The following BCAR1 variants were observed in gnomAD, a reference collection of about 807,000 sequenced individuals.
The protein encoded by BCAR1 is breast cancer anti-estrogen resistance protein 1.
BCAR1 carries 30 observed loss-of-function variants against 67.6 expected under a neutral mutation model. The observed-to-expected ratio is 0.44, with a 90% CI of 0.33 to 0.60. BCAR1 has a LOEUF of 0.60. BCAR1 is among the 20% of genes least tolerant of loss of function. The pLI, the probability that BCAR1 is intolerant of heterozygous loss-of-function variation, is 0.02. For synonymous variants in BCAR1, 626 were observed against 556.7 expected (o/e 1.12, Z -1.75); for missense variants, 1,313 against 1,222.3 (o/e 1.07, Z -1.11).
chr16:75,250,737 C>T lies in BCAR1; in HGVS notation c.12+734G>A, dbSNP rs2077654446. ...CGACCCTGCTCTAGCTCTTGCGGGT[C>T]CCCCAACCATGGACTCCAAAGCCTT... On this transcript the variant is annotated intron_variant, in intron 1 of 6. Transcript: ENST00000162330. The T allele has an allele frequency of 3.0e-6, 3 of 985,456 alleles. No homozygotes were observed. The African/African-American group carries it at 5.2e-5, about 17-fold the overall frequency. 61.0% of individuals were successfully genotyped at this position (985,456 alleles called of 1,614,324 possible).
chr16:75,238,006 G>T lies in BCAR1; in HGVS notation c.634-662C>A, dbSNP rs905137177. 3.9e-6 allele frequency: 5 copies of T among 1,283,308 alleles called. No homozygotes were observed. In the African/African-American group the frequency reaches 4.6e-5, roughly 12 times the overall value. The allele number at this position is 1,283,308 out of a possible 1,614,324, so 79.5% of individuals were successfully genotyped here. On this transcript the variant is annotated intron_variant, in intron 2 of 6. Coordinates refer to ENST00000162330, the MANE Select transcript of BCAR1 (RefSeq NM_014567.5). ...GCCCCGGGGGAGCTGCCTGCAGCAG[G>T]TAAGATCCCCAGCGACCTGAAAGGA...
At chr16:75,230,170 C>T in intron 6 of BCAR1, 147 bp from the exon 7 acceptor site, 1 of 1,007,130 alleles carries the variant, frequency 9.9e-7, no homozygotes, top group South Asian at 2.2e-5. Context: ...AGTCTCCTCT[C>T]CCGGGGACGG....
At chr16:75,254,566 T>C (rs554463798), upstream of BCAR1, among the ~76,000 whole-genome samples, 28 of 152,290 alleles carry the variant, frequency 1.8e-4, no homozygotes, top group South Asian at 5.6e-3. Context: ...CACACTTGCA[T>C]ACACACAGCA....
At position 75,256,935 on chromosome 16, in the gene BCAR1, C is replaced by T. The variant is rs368112303; in HGVS notation, c.66+10980G>A. The stretch of plus-strand genomic sequence containing the variant: ...GTGCAGTGAGGAGGGGCCATGTGCA[C>T]TCTGCCCCGCTGCTGACCACCAGGT... On this transcript the variant is annotated intron_variant, in intron 1 of 6. Transcript: ENST00000393422. Among the ~76,000 whole-genome samples the T allele has an allele frequency of 5.3e-5, 8 of 152,334 alleles. No individual in the cohort carries two copies. The East Asian group carries it at 1.4e-3, about 26-fold the overall frequency.
intron 1 of BCAR1, among the ~76,000 whole-genome samples, chr16:75,243,837 G>A (rs751397902): frequency 6.6e-6 from 1 of 152,216 alleles, no homozygotes; most frequent in South Asian, 2.1e-4. Context: ...CCCAGGCAGG[G>A]AGGCCTCGCA....
rs759775686 is a variant in BCAR1, at chr16:75,235,768, G to A, written c.1131C>T (p.Gly377=). 5 of 1,593,610 alleles carry A rather than the reference G, an allele frequency of 3.1e-6. No individual in the cohort carries two copies. The South Asian group carries it at 3.4e-5, about 11-fold the overall frequency. Residue 377 remains glycine, a synonymous_variant, in exon 5 of 7, where the codon GGC becomes GGT. Coordinates refer to ENST00000162330, the MANE Select transcript of BCAR1 (RefSeq NM_014567.5). Reference sequence around the variant, plus strand: ...GGGTGCCCGGGCCAGGCCGCCGCAAGCCAGGGGGCACGTCGTAGAGGTCAG... The same window carrying A: ...GGGTGCCCGGGCCAGGCCGCCGCAAACCAGGGGGCACGTCGTAGAGGTCAG... ...PAPDLYDVPP[G]LRRPGPGTLY... is the part of the protein sequence containing the mutation.
intron 1 of BCAR1, among the ~76,000 whole-genome samples, chr16:75,267,193 A>G (rs2078020865): frequency 6.6e-6 from 1 of 152,176 alleles, no homozygotes; most frequent in Non-Finnish European, 1.5e-5. Context: ...GGTATGAGGT[A>G]TGAGAGAAAG....
intron 3 of BCAR1, 63 bp downstream of exon 3, chr16:75,237,120 A>G: frequency 6.7e-7 from 1 of 1,501,290 alleles, no homozygotes; most frequent in Non-Finnish European, 8.9e-7. Flanking sequence ...CTCTCGGCCC[A>G]GGGCCAAGCA....
At chr16:75,238,488 T>C in intron 2 of BCAR1, 7 of 996,850 alleles carry the variant, frequency 7.0e-6, no homozygotes, top group Non-Finnish European at 8.4e-6. Flanking sequence ...GCCCTCCCAA[T>C]GCAGGCAGGC....
rs55693034 is a variant in BCAR1 at position 75,266,748 on chromosome 16, T to C, written c.66+1167A>G. ...GGAAGGACCAGGGGTCCGACCCCTC[T>C]GTTCTGCTTCCTGGGGACGGTGGGT... On this transcript the variant is annotated intron_variant, in intron 1 of 6. Coordinates refer to the BCAR1 transcript ENST00000393422. 1.4e-3 allele frequency: 2,015 copies of C among 1,460,184 alleles called. 20 individuals are homozygous for C. The African/African-American group carries it at 0.025, about 18-fold the overall frequency. The allele number at this position is 1,460,184 out of a possible 1,614,324, so 90.5% of individuals were successfully genotyped here. A position where few individuals can be genotyped will look rare whatever the true frequency, so the allele number is the denominator to read the frequency against.
rs759498612 is a variant in BCAR1 at position 75,229,853 on chromosome 16, T to C, written c.2271A>G (p.Thr757=). The change falls in exon 7 of 7, where the codon ACA becomes ACG. Residue 757 remains threonine, a synonymous_variant. Coordinates refer to ENST00000162330, the MANE Select transcript of BCAR1 (RefSeq NM_014567.5). ...YLEQCEANLT[T]LTNAVDAFFT... ...AGAAGGCGTCCACGGCGTTGGTCAGTGTGGTCAGGTTGGCCTCACACTGCT... is the reference window on the plus strand; with the variant it reads ...AGAAGGCGTCCACGGCGTTGGTCAGCGTGGTCAGGTTGGCCTCACACTGCT... The C allele has an allele frequency of 2.5e-6, 4 of 1,613,210 alleles. No homozygotes were observed. The highest frequency in any genetic ancestry group is 1.6e-4 in the Middle Eastern group (1 of 6,084).
intron 2 of BCAR1, chr16:75,238,362 C>T (rs1482739478): frequency 9.1e-7 from 1 of 1,104,702 alleles, no homozygotes; most frequent in African/African-American, 1.7e-5. Context: ...CCTTTTGTTC[C>T]TTCATCAAAG....
upstream of BCAR1, among the ~76,000 whole-genome samples, chr16:75,253,608 C>T (rs1305286489): frequency 2.0e-5 from 3 of 152,132 alleles, no homozygotes; most frequent in Non-Finnish European, 4.4e-5. Context: ...GGCTCCGACA[C>T]AGGCATTTCA....
At chr16:75,240,878 C>T (rs578173993) in intron 2 of BCAR1, among the ~76,000 whole-genome samples, 12 of 152,390 alleles carry the variant, frequency 7.9e-5, no homozygotes, top group Admixed American at 2.6e-4. Flanking sequence ...AGCAGGCCCC[C>T]TGCCGGAGAC....
intron 1 of BCAR1, chr16:75,266,035 T>A: frequency 2.9e-6 from 3 of 1,026,916 alleles, no homozygotes; most frequent in Non-Finnish European, 3.5e-6. Context: ...CCCCCCACCG[T>A]CTCCGCGGCC....
intron 4 of BCAR1, chr16:75,236,394 A>G: frequency 3.2e-6 from 1 of 314,168 alleles, no homozygotes; most frequent in Non-Finnish European, 5.9e-6. Flanking sequence ...TCATGATTTC[A>G]TCACCATCAC....
At chr16:75,252,063 C>T (rs1422372551), upstream of BCAR1, among the ~76,000 whole-genome samples, 1 of 152,158 alleles carries the variant, frequency 6.6e-6, no homozygotes, top group East Asian at 1.9e-4. Flanking sequence ...GGACTCAAAT[C>T]TGAATCTAGA....
rs1189286497 is a variant in BCAR1, at chr16:75,236,624, C to G, written c.912+258G>C. On this transcript the variant is annotated intron_variant, in intron 4 of 6. Transcript: ENST00000162330. Reference sequence around the variant, plus strand: ...AAGTATCCCAGGTGAGATGACACATCCCGTGGTCACCTTGCGGATACCCTC... The same window carrying G: ...AAGTATCCCAGGTGAGATGACACATGCCGTGGTCACCTTGCGGATACCCTC... 4 of 562,048 alleles carry G rather than the reference C, an allele frequency of 7.1e-6. No homozygotes were observed. In the African/African-American group the frequency reaches 7.6e-5, roughly 11 times the overall value. The allele number at this position is 562,048 out of a possible 1,614,324, so 34.8% of individuals were successfully genotyped here.
At chr16:75,243,882 G>A (rs3826110) in intron 1 of BCAR1, among the ~76,000 whole-genome samples, 23,334 of 152,188 alleles carry the variant, frequency 0.15, 2,189 homozygotes, top group East Asian at 0.34. Context: ...CCTCGCCCCT[G>A]CCGCTGCTGC....
Sources: allele counts gnomAD v4.1 joint callset (sites outside exome capture counted in the v4.1 genomes callset), GRCh38; gene constraint gnomAD v4.1.1; transcripts MANE v1.5; gene names NCBI Gene and HGNC (gene_info 2026-07-23, HGNC 2026-07-21).